DRC11: variants seen among roughly 807,000 people sequenced by gnomAD.
DRC11 encodes IQ and AAA domain-containing protein 1.
the DRC11 span, among the ~76,000 whole-genome samples, chr2:236,460,549 C>A: frequency 6.6e-6 from 1 of 152,216 alleles, no homozygotes; most frequent in South Asian, 2.1e-4. The surrounding 1 kb of genome is among the most constrained non-coding windows in gnomAD (Gnocchi z 4.0). Flanking sequence ...GTAAAATCAA[C>A]CCAAATAGAT....
chr2:236,380,621 CTTT>C, the DRC11 span: 15 of 1,550,426 alleles, frequency 9.7e-6, no homozygotes, highest in Non-Finnish European at 1.3e-5. This position sits in a 1 kb window ranked among gnomAD's most constrained non-coding sequence, Gnocchi z 4.9. Context: ...TTCTTTTTGC[CTTT>C]CTTTCCTTTC....
the DRC11 span, chr2:236,324,374 A>T: frequency 3.7e-6 from 1 of 272,558 alleles, no homozygotes; most frequent in African/African-American, 2.2e-5. The surrounding 1 kb of genome is among the most constrained non-coding windows in gnomAD (Gnocchi z 5.7). Context: ...TCCAACTTGG[A>T]AAGACTGTGG....
chr2:236,408,845 A>C, the DRC11 span: 1 of 657,638 alleles, frequency 1.5e-6, no homozygotes, highest in Non-Finnish European at 2.8e-6. This position sits in a 1 kb window ranked among gnomAD's most constrained non-coding sequence, Gnocchi z 5.5. Flanking sequence ...GTGTCTCCAC[A>C]ATAGTCACAG....
chr2:236,340,601 G>A, the DRC11 span, among the ~76,000 whole-genome samples: 6 of 152,292 alleles, frequency 3.9e-5, no homozygotes, highest in Admixed American at 2.6e-4. Context: ...GTGGAAGTAG[G>A]ACTGATCTGA....
the DRC11 span, among the ~76,000 whole-genome samples, chr2:236,396,623 T>C: frequency 6.6e-6 from 1 of 152,202 alleles, no homozygotes; most frequent in Non-Finnish European, 1.5e-5. Flanking sequence ...ATTTCTCTAA[T>C]GCTTAACGTT....
At chr2:236,471,432 T>C in the DRC11 span, among the ~76,000 whole-genome samples, 1 of 152,240 alleles carries the variant, frequency 6.6e-6, no homozygotes, top group Non-Finnish European at 1.5e-5. This position sits in a 1 kb window ranked among gnomAD's most constrained non-coding sequence, Gnocchi z 4.6. Context: ...TCTGTGCTTC[T>C]ATACCTTGCC....
chr2:236,338,461 T>A, the DRC11 span: 1 of 1,242,602 alleles, frequency 8.0e-7, no homozygotes, highest in Non-Finnish European at 1.1e-6. Context: ...TTAGGATGCA[T>A]TGCAGCATCC....
chr2:236,487,249 C>T, the DRC11 span, among the ~76,000 whole-genome samples: 1 of 152,114 alleles, frequency 6.6e-6, no homozygotes, highest in African/African-American at 2.4e-5. Flanking sequence ...AATATAGTAA[C>T]CTCCAAGAAA....
At chr2:236,307,898 T>C in the DRC11 span, among the ~76,000 whole-genome samples, 1 of 152,332 alleles carries the variant, frequency 6.6e-6, no homozygotes, top group Admixed American at 6.5e-5. This position sits in a 1 kb window ranked among gnomAD's most constrained non-coding sequence, Gnocchi z 7.0. Flanking sequence ...GTGACACAGG[T>C]GTCCTCATAT....
chr2:236,386,130 T>G, the DRC11 span, among the ~76,000 whole-genome samples: 2 of 141,714 alleles, frequency 1.4e-5, no homozygotes, highest in Non-Finnish European at 3.1e-5. Context: ...TCTCTTTTTT[T>G]GTTGTGTCTC....
At chr2:236,403,965 G>A in the DRC11 span, among the ~76,000 whole-genome samples, 1 of 151,896 alleles carries the variant, frequency 6.6e-6, no homozygotes, top group East Asian at 1.9e-4. Context: ...TCACACACAC[G>A]TTTCCCCGAA....
At chr2:236,317,971 A>T in the DRC11 span, among the ~76,000 whole-genome samples, 1 of 152,174 alleles carries the variant, frequency 6.6e-6, no homozygotes, top group Admixed American at 6.5e-5. The surrounding 1 kb of genome is among the most constrained non-coding windows in gnomAD (Gnocchi z 5.4). Flanking sequence ...TTCAGTCTCC[A>T]TCCTGCTCCT....
the DRC11 span, among the ~76,000 whole-genome samples, chr2:236,342,234 A>C: frequency 6.6e-6 from 1 of 152,104 alleles, no homozygotes; most frequent in Non-Finnish European, 1.5e-5. The surrounding 1 kb of genome is among the most constrained non-coding windows in gnomAD (Gnocchi z 5.8). Flanking sequence ...AGCCTCCTGG[A>C]TGTTCTTCTC....
the DRC11 span, chr2:236,408,433 T>C: frequency 4.1e-6 from 3 of 740,586 alleles, no homozygotes; most frequent in South Asian, 4.2e-5. The surrounding 1 kb of genome is among the most constrained non-coding windows in gnomAD (Gnocchi z 5.5). Flanking sequence ...AATCATCTCA[T>C]CCTGCCCAAA....
the DRC11 span, among the ~76,000 whole-genome samples, chr2:236,503,288 A>C: frequency 1.3e-5 from 2 of 152,162 alleles, no homozygotes; most frequent in Non-Finnish European, 2.9e-5. The surrounding 1 kb of genome is among the most constrained non-coding windows in gnomAD (Gnocchi z 4.9). Flanking sequence ...GGGGGAAACC[A>C]CAGCCGACCT....
the DRC11 span, among the ~76,000 whole-genome samples, chr2:236,370,229 G>A: frequency 6.6e-6 from 1 of 152,182 alleles, no homozygotes; most frequent in Non-Finnish European, 1.5e-5. The surrounding 1 kb of genome is among the most constrained non-coding windows in gnomAD (Gnocchi z 5.5). Flanking sequence ...ACCGAAGATC[G>A]CCAGCCACAC....
the DRC11 span, among the ~76,000 whole-genome samples, chr2:236,323,268 G>A: frequency 6.6e-6 from 1 of 152,190 alleles, no homozygotes; most frequent in Admixed American, 6.5e-5. The surrounding 1 kb of genome is among the most constrained non-coding windows in gnomAD (Gnocchi z 6.4). Flanking sequence ...AATGTCAAAG[G>A]GCTCTGGGAT....
chr2:236,380,314 C>T, the DRC11 span, among the ~76,000 whole-genome samples: 1 of 152,172 alleles, frequency 6.6e-6, no homozygotes, highest in Non-Finnish European at 1.5e-5. This position sits in a 1 kb window ranked among gnomAD's most constrained non-coding sequence, Gnocchi z 4.9. Context: ...AAAACTTAAA[C>T]AAAAAATTCC....
the DRC11 span, among the ~76,000 whole-genome samples, chr2:236,381,002 T>G: frequency 6.6e-6 from 1 of 152,188 alleles, no homozygotes; most frequent in South Asian, 2.1e-4. The surrounding 1 kb of genome is among the most constrained non-coding windows in gnomAD (Gnocchi z 5.8). Context: ...GTGCCTGATA[T>G]AAGCTGAATG....
Sources: gnomAD v4.1 joint callset for allele counts (sites outside exome capture counted in the v4.1 genomes callset) on GRCh38, gnomAD v4.1.1 for gene constraint, Gnocchi (gnomAD v3.1) non-coding constraint, MANE v1.5 for transcripts, NCBI Gene and HGNC (gene_info 2026-07-23, HGNC 2026-07-21) for gene names.